The following SCAF8 variants were observed in gnomAD, a reference collection of about 807,000 sequenced individuals.
SCAF8 encodes the protein SR-related and CTD-associated factor 8.
In SCAF8, 23 loss-of-function variants were observed where a neutral mutation model predicts 140.5. That is an observed-to-expected ratio of 0.16 (90% CI 0.12 to 0.23). SCAF8 has a LOEUF of 0.23. Among genes scored for constraint, SCAF8 ranks in the 10% least tolerant of loss-of-function variants. SCAF8 has a pLI of 1.00. For missense variants in SCAF8, 1,397 were observed against 1,555.7 expected, an observed-to-expected ratio of 0.90 and a Z score of 1.72; for synonymous variants, 575 against 528.9, an observed-to-expected ratio of 1.09 and a Z score of -1.20.
rs529446688 is a variant in SCAF8, at chr6:154,755,477, C to T, written c.31-18512C>T. ...TCATGTCCAGTCTGGTCTCGAACTCCTGACCTCAAGTGACCCTCCCGCCTC... is the reference window on the plus strand; with the variant it reads ...TCATGTCCAGTCTGGTCTCGAACTCTTGACCTCAAGTGACCCTCCCGCCTC... On this transcript the variant is annotated intron_variant, in intron 1 of 19. Transcript: ENST00000367178. 3.3e-5 allele frequency among the ~76,000 whole-genome samples: 5 copies of T among 152,236 alleles called. No homozygotes were observed. In the East Asian group the frequency reaches 9.6e-4, roughly 29 times the overall value.
chr6:154,770,890 A>G (rs1335494174), intron 1 of SCAF8, among the ~76,000 whole-genome samples: 3 of 152,088 alleles, frequency 2.0e-5, no homozygotes, highest in African/African-American at 4.8e-5. Context: ...GATTACAGGC[A>G]TTTACCACTA....
intron 1 of SCAF8, among the ~76,000 whole-genome samples, chr6:154,769,428 G>A (rs1776674155): frequency 6.6e-6 from 1 of 152,206 alleles, no homozygotes; most frequent in South Asian, 2.1e-4. Context: ...CAAGCACAGA[G>A]TGAGCTGATG....
At chr6:154,803,904 A>G (rs1446507897) in intron 8 of SCAF8, among the ~76,000 whole-genome samples, 1 of 152,200 alleles carries the variant, frequency 6.6e-6, no homozygotes, top group Non-Finnish European at 1.5e-5. Flanking sequence ...TAAGTTATTT[A>G]ACTTAATTGT....
intron 1 of SCAF8, among the ~76,000 whole-genome samples, chr6:154,737,254 T>C (rs564050676): frequency 6.6e-6 from 1 of 152,384 alleles, no homozygotes; most frequent in African/African-American, 2.4e-5. Flanking sequence ...ACAACTTCTC[T>C]GCTAAATTTA....
chr6:154,813,039 CA>C (rs35659449), intron 12 of SCAF8, among the ~76,000 whole-genome samples: 80,967 of 138,542 alleles, frequency 0.58, 24,688 homozygotes, highest in East Asian at 0.9. Context: ...TCACTACCGC[CA>C]AAAAAAAAAA....
intron 1 of SCAF8, among the ~76,000 whole-genome samples, chr6:154,741,134 C>T (rs1778557808): frequency 6.6e-6 from 1 of 152,018 alleles, no homozygotes; most frequent in Admixed American, 6.5e-5. Flanking sequence ...TGCTGTTTTT[C>T]TGTTTGAAAT....
rs1359469605 is a variant in SCAF8 at position 154,734,742 on chromosome 6, CG to C, written c.30+813del. Among the ~76,000 whole-genome samples the C allele has an allele frequency of 3.3e-5, 5 of 152,232 alleles. No homozygotes were observed. The South Asian group carries it at 6.2e-4, about 19-fold the overall frequency. ...ATGTATTCAATTTCTTTTTAAACTC[CG>C]ACTTCAATAGGCCTTAATGTAAACA... On this transcript the variant is annotated intron_variant, in intron 1 of 19. Coordinates refer to ENST00000367178, the MANE Select transcript of SCAF8 (RefSeq NM_014892.5).
intron 17 of SCAF8, among the ~76,000 whole-genome samples, chr6:154,826,880 T>A (rs946934647): frequency 2.0e-5 from 3 of 152,190 alleles, no homozygotes; most frequent in African/African-American, 7.2e-5. Context: ...ACAGTTTACC[T>A]GGCTCCTATT....
chr6:154,770,388 A>ACTCTCTCTCT (rs58596375), intron 1 of SCAF8, among the ~76,000 whole-genome samples: 14 of 142,000 alleles, frequency 9.9e-5, no homozygotes, highest in South Asian at 2.3e-4. Context: ...ACACACACAC[A>ACTCTCTCTCT]CTCTCTCTCT....
At chr6:154,753,012 GTT>G (rs558280693) in intron 1 of SCAF8, among the ~76,000 whole-genome samples, 7 of 145,942 alleles carry the variant, frequency 4.8e-5, no homozygotes, top group Admixed American at 4.1e-4. Flanking sequence ...TTTTTGTTTT[GTT>G]TTTTTTTTTA....
chr6:154,796,478 A>G (rs1290821411), intron 6 of SCAF8, among the ~76,000 whole-genome samples: 1 of 151,418 alleles, frequency 6.6e-6, no homozygotes, highest in Non-Finnish European at 1.5e-5. Flanking sequence ...TTTGCTTTGA[A>G]GTGTAAACTA....
At chr6:154,737,123 A>G (rs749426040) in intron 1 of SCAF8, among the ~76,000 whole-genome samples, 11 of 152,226 alleles carry the variant, frequency 7.2e-5, no homozygotes, top group Non-Finnish European at 1.6e-4. Flanking sequence ...TTTCCATTAA[A>G]TTATGTGTTA....
Position 154,820,285 on chromosome 6 carries a change from G to A in SCAF8, c.1744G>A (p.Glu582Lys), listed in dbSNP as rs753053551. ...PWEKVKVDDL[E>K]GFAEGGMIDQ... ...GGAAAAAGTTAAAGTGGATGACTTG[G>A]AAGGTTTTGCAGAAGGAGGCATGAT... Residue 582 changes from glutamate (E) to lysine (K), a missense_variant, in exon 15 of 20, where the codon GAA becomes AAA. Physicochemically the swap from Glu to Lys is moderately conservative, Grantham distance 56. Around this residue, in one of 5 missense-constraint regions of SCAF8, gnomAD observed 930 missense variants for 874.6 expected, o/e 1.06. Coordinates refer to ENST00000367178, the MANE Select transcript of SCAF8 (RefSeq NM_014892.5). 17 of 1,612,380 alleles carry A rather than the reference G, an allele frequency of 1.1e-5. No individual in the cohort carries two copies. Among genetic ancestry groups the A allele is most frequent in the Non-Finnish European group, 1.3e-5 (15 of 1,179,516 alleles).
In SCAF8 at chr6:154,733,572, A is replaced by G; in HGVS notation, c.-329A>G. ...GAGTGTAGGGGAAGGGGCTAGAGGG[A>G]GGGGGACCGAAACGGAGCGGGGCAG... On this transcript the variant is annotated 5_prime_UTR_variant, in exon 1 of 20. Transcript: ENST00000367178. 7.8e-7 allele frequency: 1 copy of G among 1,279,780 alleles called. No homozygotes were observed. Among genetic ancestry groups the G allele is most frequent in the Non-Finnish European group, 9.8e-7 (1 of 1,015,852 alleles). 79.3% of individuals were successfully genotyped at this position (1,279,780 alleles called of 1,614,324 possible). A position where few individuals can be genotyped will look rare whatever the true frequency, so the allele number is the denominator to read the frequency against.
At chr6:154,808,660 T>A (rs1470072349) in intron 10 of SCAF8, 26 bp from the exon 11 acceptor site, 1 of 1,417,738 alleles carries the variant, frequency 7.1e-7, no homozygotes, top group South Asian at 1.2e-5. Context: ...CCTTTCTGTT[T>A]GTTTGCTGTT....
At chr6:154,760,371 C>T (rs1441171755) in intron 1 of SCAF8, among the ~76,000 whole-genome samples, 4 of 151,906 alleles carry the variant, frequency 2.6e-5, no homozygotes, top group African/African-American at 9.7e-5. Context: ...CTTTTTTCTC[C>T]TTTACAAAGA....
chr6:154,773,010 T>C lies in SCAF8; in HGVS notation c.31-979T>C, dbSNP rs529841899. On this transcript the variant is annotated intron_variant, in intron 1 of 19. Transcript: ENST00000367178. The stretch of plus-strand genomic sequence containing the variant: ...CCTGATCTCAGGTGATCTACCTGTC[T>C]AGGCCTCCCAAAGTGCTGGAATTAC... Among the ~76,000 whole-genome samples, 7 of 152,328 alleles carry C rather than the reference T, an allele frequency of 4.6e-5. No homozygotes were observed. The East Asian group carries it at 1.3e-3, about 29-fold the overall frequency.
chr6:154,820,134 T>A, intron 14 of SCAF8, 43 bp from the exon 15 acceptor site: 3 of 1,443,556 alleles, frequency 2.1e-6, no homozygotes, highest in Non-Finnish European at 2.8e-6. Flanking sequence ...TTTTATAGTA[T>A]GTATGTATAA....
At chr6:154,751,290 G>A (rs746602368) in intron 1 of SCAF8, among the ~76,000 whole-genome samples, 1 of 151,194 alleles carries the variant, frequency 6.6e-6, no homozygotes, top group Non-Finnish European at 1.5e-5. Context: ...GTGCAATGGT[G>A]TGATCTCCGC....
Sources: allele counts gnomAD v4.1 joint callset (sites outside exome capture counted in the v4.1 genomes callset), GRCh38; gene constraint gnomAD v4.1.1; regional missense constraint gnomAD v4.1.1; transcripts MANE v1.5; gene names NCBI Gene and HGNC (gene_info 2026-07-23, HGNC 2026-07-21).